The following THSD7B variants were observed in gnomAD, a reference collection of about 807,000 sequenced individuals.
THSD7B encodes the protein thrombospondin type 1 domain containing 7B, also known as thrombospondin type-1 domain-containing protein 7B.
A neutral mutation model predicts 213.6 loss-of-function variants in THSD7B; 138 were observed. The ratio of observed to expected loss-of-function variants is 0.65; its 90% confidence interval spans 0.56 to 0.74. The LOEUF is 0.74. THSD7B is among the 30% of genes least tolerant of loss of function. The probability of loss-of-function intolerance (pLI) is 0.00; values close to 1 mark genes in which losing one functional copy is unlikely to be tolerated. For missense variants in THSD7B, 1,931 were observed against 1,991.5 expected (o/e 0.97, Z 0.58); for synonymous variants, 742 against 687.0 (o/e 1.08, Z -1.25).
At chr2:137,615,908 T>C (rs1023850119) in intron 17 of THSD7B, among the ~76,000 whole-genome samples, 1 of 152,140 alleles carries the variant, frequency 6.6e-6, no homozygotes, top group South Asian at 2.1e-4. Flanking sequence ...GTTTAAATGA[T>C]AGAAATAGTC....
intron 21 of THSD7B, among the ~76,000 whole-genome samples, chr2:137,655,034 G>A (rs1231570096): frequency 6.6e-6 from 1 of 152,062 alleles, no homozygotes; most frequent in African/African-American, 2.4e-5. Context: ...ACAAATTCTT[G>A]TGGCAACAGA....
At chr2:137,422,412 T>C (rs1237085684) in intron 14 of THSD7B, among the ~76,000 whole-genome samples, 2 of 152,224 alleles carry the variant, frequency 1.3e-5, no homozygotes, top group African/African-American at 4.8e-5. Context: ...TTCCAACCTA[T>C]TTAGCAGTTG....
chr2:137,234,806 T>C (rs1681728261), intron 9 of THSD7B, among the ~76,000 whole-genome samples: 1 of 151,698 alleles, frequency 6.6e-6, no homozygotes, highest in Middle Eastern at 3.4e-3. Flanking sequence ...AAGAAAAACA[T>C]ATTTAATCTC....
chr2:136,860,629 C>T (rs1391575207), intron 1 of THSD7B, among the ~76,000 whole-genome samples: 1 of 152,188 alleles, frequency 6.6e-6, no homozygotes, highest in African/African-American at 2.4e-5. Flanking sequence ...ATCTTGCTGT[C>T]ACTACCTTCA....
At chr2:137,066,380 GACGGGGTTTC>G (rs1685231349) in intron 3 of THSD7B, among the ~76,000 whole-genome samples, 1 of 151,832 alleles carries the variant, frequency 6.6e-6, no homozygotes, top group South Asian at 2.1e-4. Context: ...TTTTAGTAGA[GACGGGGTTTC>G]ACCATGTTGG....
intron 2 of THSD7B, among the ~76,000 whole-genome samples, chr2:136,897,620 G>T (rs533078470): frequency 6.6e-6 from 1 of 152,270 alleles, no homozygotes; most frequent in East Asian, 1.9e-4. Context: ...ACCCAAGCAG[G>T]TTGCCGCTGC....
chr2:136,873,616 C>T (rs750460458), intron 1 of THSD7B, among the ~76,000 whole-genome samples: 3 of 152,196 alleles, frequency 2.0e-5, no homozygotes, highest in Non-Finnish European at 2.9e-5. Flanking sequence ...TCATCTTCCA[C>T]TATTTTGCTG....
At chr2:137,343,588 C>A (rs1411566811) in intron 12 of THSD7B, among the ~76,000 whole-genome samples, 1 of 151,640 alleles carries the variant, frequency 6.6e-6, no homozygotes, top group Non-Finnish European at 1.5e-5. Flanking sequence ...CCGTTCTGTG[C>A]CAATGCAGGA....
chr2:137,561,594 G>A (rs969517242), intron 15 of THSD7B, among the ~76,000 whole-genome samples: 32 of 152,084 alleles, frequency 2.1e-4, no homozygotes, highest in Non-Finnish European at 2.1e-4. Context: ...TGAAAGCATC[G>A]TTGTCGTGAT....
At chr2:137,650,912 C>G (rs545701843) in intron 21 of THSD7B, among the ~76,000 whole-genome samples, 1 of 152,260 alleles carries the variant, frequency 6.6e-6, no homozygotes, top group African/African-American at 2.4e-5. Flanking sequence ...CCTTACATTC[C>G]TGAAATGAAT....
At chr2:137,032,237 T>TAA (rs957225738) in intron 2 of THSD7B, among the ~76,000 whole-genome samples, 1 of 149,194 alleles carries the variant, frequency 6.7e-6, no homozygotes, top group East Asian at 2.0e-4. Context: ...GACATGAAGT[T>TAA]AAAAAAAAAA....
intron 20 of THSD7B, among the ~76,000 whole-genome samples, chr2:137,626,189 G>A (rs577331966): frequency 1.3e-5 from 2 of 152,268 alleles, no homozygotes; most frequent in South Asian, 4.1e-4. Flanking sequence ...GGGGCCAGGC[G>A]CGGTGGCTCA....
At position 137,313,682 on chromosome 2, in the gene THSD7B, G is replaced by C. The variant is rs755536647; in HGVS notation, c.2500+37656G>C. ...TCCATGTTTAGCGCTTCCTTCAGGA[G>C]CTCTTTTAGAGCCGGCCTGGTGGTG... On this transcript the variant is annotated intron_variant, in intron 12 of 27. Transcript: ENST00000409968. Among the ~76,000 whole-genome samples the C allele has an allele frequency of 9.9e-5, 15 of 152,112 alleles. No homozygotes were observed. In the South Asian group the frequency reaches 3.1e-3, roughly 32 times the overall value.
At chr2:136,789,165 G>GTTTGGT (rs1209824352) in intron 1 of THSD7B, among the ~76,000 whole-genome samples, 7 of 151,916 alleles carry the variant, frequency 4.6e-5, no homozygotes, top group Non-Finnish European at 1.0e-4. Flanking sequence ...AATTATAACA[G>GTTTGGT]TTTGGTTTTT....
chr2:137,565,744 A>G (rs1403063481), intron 16 of THSD7B, among the ~76,000 whole-genome samples: 1 of 152,146 alleles, frequency 6.6e-6, no homozygotes, highest in African/African-American at 2.4e-5. Context: ...TCACATGGAG[A>G]GAAGGCAAAA....
rs550878673 is a variant in THSD7B at position 137,564,327 on chromosome 2, C to A, written c.3272+973C>A. ...ATCAGTACATACTCACTATTTATGA[C>A]AGTCTCAATGTTGCAAAATCACTGG... On this transcript the variant is annotated intron_variant, in intron 16 of 27. Transcript: ENST00000409968. Among the ~76,000 whole-genome samples, 36 of 152,252 alleles carry A rather than the reference C, an allele frequency of 2.4e-4. 1 individual carries two copies. In the South Asian group the frequency reaches 7.5e-3, roughly 32 times the overall value.
intron 1 of THSD7B, among the ~76,000 whole-genome samples, chr2:136,853,747 A>T (rs1683134806): frequency 6.6e-6 from 1 of 152,164 alleles, no homozygotes; most frequent in South Asian, 2.1e-4. Context: ...ACCTAGTTCT[A>T]TCATTCTTTT....
chr2:137,004,286 T>C (rs906058291), intron 2 of THSD7B, among the ~76,000 whole-genome samples: 1 of 141,740 alleles, frequency 7.1e-6, no homozygotes, highest in Non-Finnish European at 1.5e-5. Flanking sequence ...ACCCAGTGTG[T>C]GTGCACACGT....
intron 12 of THSD7B, among the ~76,000 whole-genome samples, chr2:137,380,676 G>A (rs1422380359): frequency 2.0e-5 from 3 of 152,188 alleles, no homozygotes; most frequent in African/African-American, 7.2e-5. Context: ...GCCTCAAGAA[G>A]GAACCCGACC....
Sources: gnomAD v4.1 joint callset for allele counts (sites outside exome capture counted in the v4.1 genomes callset) on GRCh38, gnomAD v4.1.1 for gene constraint, MANE v1.5 for transcripts, NCBI Gene and HGNC (gene_info 2026-07-23, HGNC 2026-07-21) for gene names.